The following CDH4 variants were observed in gnomAD, a reference collection of about 807,000 sequenced individuals.
CDH4 encodes the protein cadherin-4.
Under a neutral mutation model 86.0 loss-of-function variants are expected in CDH4, and 33 were observed. That is an observed-to-expected ratio of 0.38 (90% CI 0.29 to 0.51). The LOEUF is 0.51. Among genes scored for constraint, CDH4 ranks in the 20% least tolerant of loss-of-function variants. CDH4 has a pLI of 0.86. For missense variants in CDH4, 1,114 were observed against 1,307.4 expected (o/e 0.85, Z 2.28); for synonymous variants, 555 against 549.4 (o/e 1.01, Z -0.14).
intron 7 of CDH4, among the ~76,000 whole-genome samples, chr20:61,888,268 C>T (rs571600022): frequency 6.6e-6 from 1 of 152,306 alleles, no homozygotes; most frequent in African/African-American, 2.4e-5. Context: ...GGGTATCTGA[C>T]ATTTGGGTTC....
chr20:61,328,923 C>T (rs1195494746), intron 2 of CDH4, among the ~76,000 whole-genome samples: 1 of 152,198 alleles, frequency 6.6e-6, no homozygotes, highest in Non-Finnish European at 1.5e-5. Flanking sequence ...AAACCCATTG[C>T]AAGTTGAAAA....
At chr20:61,394,717 C>G (rs2145470785) in intron 2 of CDH4, among the ~76,000 whole-genome samples, 1 of 151,756 alleles carries the variant, frequency 6.6e-6, no homozygotes, top group African/African-American at 2.4e-5. Context: ...GCCTCCTCTT[C>G]CAGCCTCTCA....
chr20:61,463,454 C>T (rs1236434230), intron 2 of CDH4, among the ~76,000 whole-genome samples: 1 of 152,194 alleles, frequency 6.6e-6, no homozygotes, highest in African/African-American at 2.4e-5. Context: ...CACAAAGATG[C>T]CTAGGACTCT....
At position 61,462,598 on chromosome 20, in the gene CDH4, C is replaced by A. The variant is rs1396336904; in HGVS notation, c.169+207661C>A. The stretch of plus-strand genomic sequence containing the variant: ...TTGTGCATTGCTCCTGAGCCTCCCT[C>A]AGCCCCCTTTGTGCTCCCAGCTGCT... On this transcript the variant is annotated intron_variant, in intron 2 of 15. Transcript: ENST00000614565. Among the ~76,000 whole-genome samples, 8 of 70,450 alleles carry A rather than the reference C, an allele frequency of 1.1e-4. No individual in the cohort carries two copies. In the Admixed American group the frequency reaches 1.3e-3, roughly 11 times the overall value. 46.2% of individuals were successfully genotyped at this position (70,450 alleles called of 152,430 possible).
chr20:61,653,764 C>A (rs766340566), intron 2 of CDH4, among the ~76,000 whole-genome samples: 3 of 102,518 alleles, frequency 2.9e-5, no homozygotes, highest in Admixed American at 2.8e-4. Context: ...GGGGCAGAGG[C>A]GCTCCCCACA....
chr20:61,699,414 C>T (rs978741153), intron 2 of CDH4, among the ~76,000 whole-genome samples: 1 of 152,182 alleles, frequency 6.6e-6, no homozygotes, highest in African/African-American at 2.4e-5. Flanking sequence ...GCCAGGTCAG[C>T]GGGCACAGCC....
At chr20:61,359,993 G>A (rs935647064) in intron 2 of CDH4, among the ~76,000 whole-genome samples, 10 of 152,220 alleles carry the variant, frequency 6.6e-5, no homozygotes, top group African/African-American at 2.4e-4. Flanking sequence ...GGAGCTCTTG[G>A]TGAGATCCTG....
intron 3 of CDH4, among the ~76,000 whole-genome samples, chr20:61,761,128 A>AG (rs1282673387): frequency 6.6e-6 from 1 of 152,196 alleles, no homozygotes; most frequent in African/African-American, 2.4e-5. Context: ...TAGGAGGTAG[A>AG]GGAATGAACT....
chr20:61,548,046 C>T (rs1435371168), intron 2 of CDH4, among the ~76,000 whole-genome samples: 2 of 152,194 alleles, frequency 1.3e-5, no homozygotes, highest in Non-Finnish European at 2.9e-5. Flanking sequence ...CAGCATCAAA[C>T]CCTCAGGGCA....
chr20:61,696,662 G>C (rs1232825492), intron 2 of CDH4, among the ~76,000 whole-genome samples: 3 of 152,208 alleles, frequency 2.0e-5, no homozygotes, highest in Non-Finnish European at 4.4e-5. Flanking sequence ...TACCCTCCAT[G>C]GTCCATGGGG....
chr20:61,819,932 C>T (rs151164395), intron 4 of CDH4, among the ~76,000 whole-genome samples: 2,748 of 152,292 alleles, frequency 0.018, 46 homozygotes, highest in Non-Finnish European at 0.026. Context: ...GATCTGATCC[C>T]GCGACCTTGA....
intron 2 of CDH4, among the ~76,000 whole-genome samples, chr20:61,564,492 A>C (rs902234534): frequency 6.6e-6 from 1 of 152,054 alleles, no homozygotes; most frequent in South Asian, 2.1e-4. Flanking sequence ...GTCGTTTAAA[A>C]GACTGTGGCA....
intron 2 of CDH4, among the ~76,000 whole-genome samples, chr20:61,467,334 G>A (rs576800469): frequency 3.3e-4 from 50 of 152,278 alleles, no homozygotes; most frequent in African/African-American, 6.5e-4. Context: ...ACATATCAGC[G>A]TTCCATTTGG....
At chr20:61,656,921 G>T (rs376162755) in intron 2 of CDH4, among the ~76,000 whole-genome samples, 1 of 152,136 alleles carries the variant, frequency 6.6e-6, no homozygotes, top group Admixed American at 6.5e-5. Context: ...AACCATCAGC[G>T]CTCCATGTTG....
chr20:61,399,586 A>G (rs2085038669), intron 2 of CDH4, among the ~76,000 whole-genome samples: 1 of 151,958 alleles, frequency 6.6e-6, no homozygotes, highest in African/African-American at 2.4e-5. Flanking sequence ...GCCCTCCCCA[A>G]AGCCTCACCT....
At chr20:61,343,609 G>A (rs6065092) in intron 2 of CDH4, among the ~76,000 whole-genome samples, 89,872 of 151,980 alleles carry the variant, frequency 0.59, 27,100 homozygotes, top group African/African-American at 0.73. Flanking sequence ...TAGGCAAGTT[G>A]TGCTTGCGGT....
At chr20:61,645,760 T>C (rs1600835531) in intron 2 of CDH4, among the ~76,000 whole-genome samples, 1 of 152,090 alleles carries the variant, frequency 6.6e-6, no homozygotes, top group African/African-American at 2.4e-5. Flanking sequence ...GCTGTGGTTA[T>C]CACCTGCACA....
At chr20:61,732,159 G>T (rs918549781) in intron 2 of CDH4, among the ~76,000 whole-genome samples, 22 of 152,172 alleles carry the variant, frequency 1.4e-4, no homozygotes, top group South Asian at 4.2e-4. Context: ...AATAACCCAA[G>T]ATTTTTCTGT....
intron 2 of CDH4, among the ~76,000 whole-genome samples, chr20:61,450,300 C>G (rs1353253055): frequency 6.6e-6 from 1 of 152,180 alleles, no homozygotes; most frequent in African/African-American, 2.4e-5. Flanking sequence ...GGAAATGATG[C>G]TTCCAAGAGG....
Sources: allele counts gnomAD v4.1 joint callset (sites outside exome capture counted in the v4.1 genomes callset), GRCh38; gene constraint gnomAD v4.1.1; transcripts MANE v1.5; gene names NCBI Gene and HGNC (gene_info 2026-07-23, HGNC 2026-07-21).